The following TLK1 variants were observed in gnomAD, a reference collection of about 807,000 sequenced individuals.
TLK1 encodes serine/threonine-protein kinase tousled-like 1.
Under a neutral mutation model 105.3 loss-of-function variants are expected in TLK1, and 24 were observed. The observed-to-expected ratio is 0.23, with a 90% CI of 0.17 to 0.32. The LOEUF (loss-of-function observed/expected upper bound fraction) is 0.32. Among genes scored for constraint, TLK1 ranks in the 10% least tolerant of loss-of-function variants. The pLI, the probability that TLK1 is intolerant of heterozygous loss-of-function variation, is 1.00. For missense variants in TLK1, 558 were observed against 910.5 expected (o/e 0.61, Z 4.98); for synonymous variants, 321 against 310.4 (o/e 1.03, Z -0.36).
Position 171,014,836 on chromosome 2 carries a change from CA to C in TLK1, c.1334+14del, listed in dbSNP as rs1347317734. 6.3e-7 allele frequency: 1 copy of C among 1,578,614 alleles called. No homozygotes were observed. The highest frequency in any genetic ancestry group is 8.7e-7 in the Non-Finnish European group (1 of 1,149,150). On this transcript the variant is annotated intron_variant, in intron 13 of 20. Coordinates refer to ENST00000431350, the MANE Select transcript of TLK1 (RefSeq NM_012290.5). Reference sequence around the variant, plus strand: ...TTTAATAATATGAAACTGTGAAATGCAAATAATGACTTACTGTGAATTATCT... The same window carrying C: ...TTTAATAATATGAAACTGTGAAATGCAATAATGACTTACTGTGAATTATCT...
chr2:171,022,476 T>C (rs1685576044), intron 12 of TLK1, among the ~76,000 whole-genome samples: 1 of 152,124 alleles, frequency 6.6e-6, no homozygotes, highest in Non-Finnish European at 1.5e-5. Context: ...TTTAACATTC[T>C]TCATGGGCTT....
At chr2:171,054,073 C>T (rs1687378842) in intron 7 of TLK1, 1 of 377,548 alleles carries the variant, frequency 2.6e-6, no homozygotes, top group East Asian at 4.8e-5. Flanking sequence ...ACTTAGAATA[C>T]TGATGTTCCT....
chr2:171,056,307 T>A (rs570938341), intron 6 of TLK1, among the ~76,000 whole-genome samples, 164 bp downstream of exon 6: 3 of 152,196 alleles, frequency 2.0e-5, no homozygotes, highest in African/African-American at 7.2e-5. Flanking sequence ...TAGCACCAGA[T>A]AACTTAAAAG....
intron 2 of TLK1, among the ~76,000 whole-genome samples, chr2:171,090,473 T>C (rs925775747): frequency 6.6e-6 from 1 of 152,166 alleles, no homozygotes; most frequent in Admixed American, 6.5e-5. Context: ...GTTCAGTTTG[T>C]GAACATTCAT....
intron 1 of TLK1, among the ~76,000 whole-genome samples, chr2:171,125,303 T>C (rs1453529066): frequency 2.0e-5 from 3 of 152,236 alleles, no homozygotes; most frequent in Admixed American, 6.5e-5. Context: ...CTAGTTACTT[T>C]CATGTATACT....
At chr2:171,222,971 C>T (rs182791316) in intron 1 of TLK1, among the ~76,000 whole-genome samples, 6 of 152,162 alleles carry the variant, frequency 3.9e-5, no homozygotes, top group Admixed American at 2.0e-4. Flanking sequence ...TGCACCACCA[C>T]GCCCAACTAA....
At chr2:171,193,447 A>G (rs1439245233) in intron 1 of TLK1, among the ~76,000 whole-genome samples, 1 of 145,934 alleles carries the variant, frequency 6.9e-6, no homozygotes, top group African/African-American at 2.6e-5. Flanking sequence ...CCCAGGCTGG[A>G]GTCCAGTGGC....
At chr2:171,177,844 A>G (rs1692858394) in intron 1 of TLK1, among the ~76,000 whole-genome samples, 1 of 151,944 alleles carries the variant, frequency 6.6e-6, no homozygotes, top group African/African-American at 2.4e-5. Context: ...CCCAGGCTGG[A>G]GTGAAATGGC....
intron 1 of TLK1, among the ~76,000 whole-genome samples, chr2:171,156,530 A>G (rs1411650134): frequency 2.0e-5 from 3 of 152,256 alleles, no homozygotes; most frequent in Admixed American, 6.5e-5. Flanking sequence ...TCTATTTCTC[A>G]TAAGATTTTC....
chr2:170,993,775 GA>G lies in TLK1; in HGVS notation c.*4del. 6.4e-7 allele frequency: 1 copy of G among 1,556,990 alleles called. No homozygotes were observed. Among genetic ancestry groups the G allele is most frequent in the Non-Finnish European group, 8.7e-7 (1 of 1,150,374 alleles). ...CAAAGATATCATGCCAATCTTGGAG[GA>G]AAGTCAGTAAGTAATTATGCTTGAA... is the stretch of plus-strand genomic sequence containing the variant. On this transcript the variant is annotated 3_prime_UTR_variant, in exon 21 of 21. Coordinates refer to ENST00000431350, the MANE Select transcript of TLK1 (RefSeq NM_012290.5).
intron 1 of TLK1, among the ~76,000 whole-genome samples, chr2:171,205,308 T>C (rs145872884): frequency 1.0e-4 from 15 of 148,028 alleles, no homozygotes; most frequent in African/African-American, 3.2e-4. Flanking sequence ...TACACACTTA[T>C]TGATTCTAAG....
chr2:171,103,193 C>T (rs1689764951), intron 2 of TLK1, among the ~76,000 whole-genome samples: 1 of 151,246 alleles, frequency 6.6e-6, no homozygotes, highest in Admixed American at 6.6e-5. Flanking sequence ...AGTGAAGACA[C>T]TGAATTTTAT....
chr2:171,110,446 C>T (rs1020517099), intron 2 of TLK1, among the ~76,000 whole-genome samples: 3 of 152,040 alleles, frequency 2.0e-5, no homozygotes, highest in South Asian at 2.1e-4. Flanking sequence ...TCCAGTTGGG[C>T]GACAGAGCAA....
chr2:171,201,114 C>T (rs183168118), intron 1 of TLK1, among the ~76,000 whole-genome samples: 1 of 152,052 alleles, frequency 6.6e-6, no homozygotes, highest in Non-Finnish European at 1.5e-5. Flanking sequence ...AAACTCCTGA[C>T]CTCAGGTGAT....
intron 2 of TLK1, among the ~76,000 whole-genome samples, chr2:171,104,676 G>T (rs1384174145): frequency 6.6e-6 from 1 of 152,156 alleles, no homozygotes; most frequent in Admixed American, 6.6e-5. Context: ...TCACCATGTT[G>T]GCCAGGCTGG....
At chr2:171,077,954 G>C (rs1688587156) in intron 3 of TLK1, among the ~76,000 whole-genome samples, 1 of 152,082 alleles carries the variant, frequency 6.6e-6, no homozygotes, top group Non-Finnish European at 1.5e-5. Flanking sequence ...AAGAATCGCA[G>C]GGGACCCCTA....
chr2:171,201,427 C>T (rs865814242), intron 1 of TLK1, among the ~76,000 whole-genome samples: 45 of 152,168 alleles, frequency 3.0e-4, no homozygotes, highest in Middle Eastern at 3.4e-3. Context: ...CAACATGAAC[C>T]CTGCCTGACC....
rs1687589799 is a variant in TLK1, at chr2:171,058,179, C to T, written c.425G>A (p.Arg142His). Residue 142 changes from arginine (R) to histidine (H), a missense_variant, in exon 5 of 21, where the codon CGT (arginine) becomes CAT (histidine). Physicochemically the swap from Arg to His is conservative, Grantham distance 29. Coordinates refer to ENST00000431350, the MANE Select transcript of TLK1 (RefSeq NM_012290.5). ...AAAATAGTCGCTAATTTTGTGGCCA[C>T]GTCCCCCAATACTTTTTCCTAAAAT... ...ESSQGKSIGG[R>H]GHKISDYFEY... 8.7e-6 allele frequency: 14 copies of T among 1,613,458 alleles called. No homozygotes were observed. The highest frequency in any genetic ancestry group is 1.7e-4 in the Middle Eastern group (1 of 6,056).
chr2:171,151,041 A>G (rs79068660), intron 1 of TLK1, among the ~76,000 whole-genome samples: 2 of 149,398 alleles, frequency 1.3e-5, no homozygotes, highest in East Asian at 2.0e-4. Context: ...TTTTTTTTTT[A>G]GACAAGGCCT....
Sources: gnomAD v4.1 joint callset for allele counts (sites outside exome capture counted in the v4.1 genomes callset) on GRCh38, gnomAD v4.1.1 for gene constraint, MANE v1.5 for transcripts, NCBI Gene and HGNC (gene_info 2026-07-23, HGNC 2026-07-21) for gene names.